The following CIITA variants were observed in gnomAD, a reference collection of about 807,000 sequenced individuals.
CIITA encodes the protein class II major histocompatibility complex transactivator, also known as MHC class II transactivator.
A neutral mutation model predicts 115.1 loss-of-function variants in CIITA; 72 were observed. That is an observed-to-expected ratio of 0.63 (90% CI 0.52 to 0.76). CIITA has a LOEUF of 0.76. Among genes scored for constraint, CIITA ranks in the 30% least tolerant of loss-of-function variants. The probability of loss-of-function intolerance (pLI) is 0.00; values close to 1 mark genes in which losing one functional copy is unlikely to be tolerated. For synonymous variants in CIITA, 763 were observed against 635.6 expected (o/e 1.20, Z -3.02); for missense variants, 1,617 against 1,463.8 (o/e 1.10, Z -1.71).
intron 1 of CIITA, among the ~76,000 whole-genome samples, chr16:10,894,518 A>C (rs949174797): frequency 5.3e-5 from 8 of 152,192 alleles, no homozygotes; most frequent in African/African-American, 1.9e-4. Context: ...GTATATGTGA[A>C]TATTTATTAC....
At chr16:10,905,325 G>C (rs1459304729) in intron 10 of CIITA, among the ~76,000 whole-genome samples, 1 of 152,202 alleles carries the variant, frequency 6.6e-6, no homozygotes, top group African/African-American at 2.4e-5. Flanking sequence ...GCTCAGAATT[G>C]CTCCAGCAAG....
At chr16:10,875,035 C>T (rs747273759), upstream of CIITA, among the ~76,000 whole-genome samples, 35 of 149,858 alleles carry the variant, frequency 2.3e-4, no homozygotes, top group Non-Finnish European at 1.0e-4. Context: ...GTGGCACTAT[C>T]TAAGCTCACT....
At chr16:10,874,783 G>A (rs1204283465), upstream of CIITA, among the ~76,000 whole-genome samples, 1 of 152,060 alleles carries the variant, frequency 6.6e-6, no homozygotes, top group East Asian at 1.9e-4. Flanking sequence ...GTCCTGGCTG[G>A]CCCATTCTAA....
intron 5 of CIITA, among the ~76,000 whole-genome samples, chr16:10,899,654 A>T (rs770942507): frequency 6.6e-6 from 1 of 152,208 alleles, no homozygotes; most frequent in Non-Finnish European, 1.5e-5. Context: ...GAATGAAAAC[A>T]TCTGTAAAAT....
rs934477238 is a variant in CIITA at position 10,935,686 on chromosome 16, T to C, written c.*11831T>C. 1 of 152,222 alleles carries C rather than the reference T, an allele frequency of 6.6e-6. No homozygotes were observed. Among genetic ancestry groups the C allele is most frequent in the Admixed American group, 6.5e-5 (1 of 15,276 alleles). The allele number at this position is 152,222 out of a possible 1,614,324, so 9.4% of individuals were successfully genotyped here. ...TTAACATCGCCAGAAAGGGGACAGATGGCATGTGCCTCTCGATAAGATGCA... is the reference window on the plus strand; with the variant it reads ...TTAACATCGCCAGAAAGGGGACAGACGGCATGTGCCTCTCGATAAGATGCA... On this transcript the variant is annotated 3_prime_UTR_variant, in exon 20 of 20. Transcript: ENST00000324288.
chr16:10,893,362 G>T (rs73499497), intron 1 of CIITA, among the ~76,000 whole-genome samples: 1 of 152,300 alleles, frequency 6.6e-6, no homozygotes, highest in East Asian at 1.9e-4. Flanking sequence ...CCACACAGAT[G>T]AGCCTTCAGC....
Position 10,906,585 on chromosome 16 carries a change from C to G in CIITA, c.1093C>G (p.Leu365Val), listed in dbSNP as rs1390141865. The G allele has an allele frequency of 6.2e-7, 1 of 1,613,532 alleles. No homozygotes were observed. Among genetic ancestry groups the G allele is most frequent in the East Asian group, 2.2e-5 (1 of 44,896 alleles). ...GPDGILVEVDLVQARLERSSS... is the reference protein window; with the variant it reads ...GPDGILVEVDVVQARLERSSS... The stretch of plus-strand genomic sequence containing the variant: ...GGATGGCATCCTAGTGGAGGTGGAT[C>G]TGGTGCAGGCCAGGCTGGAGAGGAG... The change falls in exon 11 of 20, where the codon CTG (leucine) becomes GTG (valine). Residue 365 changes from leucine to valine, a missense_variant. Transcript: ENST00000324288.
rs1480588060 is a variant in CIITA, at chr16:10,902,815, C to G, written c.772+14C>G. 4.3e-6 allele frequency: 7 copies of G among 1,613,894 alleles called. No individual in the cohort carries two copies. The highest frequency in any genetic ancestry group is 5.9e-6 in the Non-Finnish European group (7 of 1,180,006). On this transcript the variant is annotated intron_variant, in intron 8 of 19. Transcript: ENST00000324288. Reference sequence around the variant, plus strand: ...TCATCTACCATGGTGAGTGCGGGGCCTGGCTCCCCGACCACCTCTCCCTCC... The same window carrying G: ...TCATCTACCATGGTGAGTGCGGGGCGTGGCTCCCCGACCACCTCTCCCTCC...
intron 1 of CIITA, among the ~76,000 whole-genome samples, chr16:10,887,657 A>C (rs1200594941): frequency 1.3e-5 from 2 of 152,168 alleles, no homozygotes; most frequent in Admixed American, 1.3e-4. Context: ...CACCACGCCC[A>C]GCTCATTTTT....
At chr16:10,900,642 G>A (rs1408517352) in intron 5 of CIITA, among the ~76,000 whole-genome samples, 1 of 152,062 alleles carries the variant, frequency 6.6e-6, no homozygotes, top group African/African-American at 2.4e-5. Context: ...AGGGAGGCTA[G>A]GGTGGGAGAA....
At chr16:10,896,769 C>T (rs1021814570) in intron 3 of CIITA, among the ~76,000 whole-genome samples, 2 of 152,366 alleles carry the variant, frequency 1.3e-5, no homozygotes, top group East Asian at 3.9e-4. Flanking sequence ...AACCCAGGAA[C>T]AGCAGCATTC....
At position 10,903,903 on chromosome 16, in the gene CIITA, C is replaced by T. The variant is rs766456631; in HGVS notation, c.937+8C>T. On this transcript the variant is annotated splice_region_variant and intron_variant, in intron 9 of 19. Coordinates refer to ENST00000324288, the MANE Select transcript of CIITA (RefSeq NM_000246.4). ...CCCGAGCAAACATGACAGGTAAGGA[C>T]CCTTAGGGCCTGTGAGAGGTACTAG... is the stretch of plus-strand genomic sequence containing the variant. 1 of 1,614,198 alleles carries T rather than the reference C, an allele frequency of 6.2e-7. No individual in the cohort carries two copies. Among genetic ancestry groups the T allele is most frequent in the Non-Finnish European group, 8.5e-7 (1 of 1,180,036 alleles).
rs140683241 is a variant in CIITA, at chr16:10,906,536, G to C, written c.1044G>C (p.Thr348=). Residue 348 remains threonine (T), a synonymous_variant, in exon 11 of 20, where the codon ACG becomes ACC. Transcript: ENST00000324288. ...AGTTCTACCGCTCACTGCAGGACAC[G>C]TATGGTGCCGAGCCCGCAGGCCCGG... ...VEQFYRSLQD[T]YGAEPAGPDG... The C allele has an allele frequency of 1.1e-5, 18 of 1,612,430 alleles. No homozygotes were observed. In the African/African-American group the frequency reaches 1.5e-4, roughly 13 times the overall value.
intron 12 of CIITA, 145 bp downstream of exon 12, chr16:10,909,332 G>T: frequency 2.2e-6 from 2 of 897,712 alleles, no homozygotes. Flanking sequence ...TGGCTAACCA[G>T]AGTCTCTCAC....
In CIITA at chr16:10,895,391, G is replaced by T. The variant is rs1421642810; in HGVS notation, c.162G>T (p.Met54Ile). ...GCCTCTACCACTTCTATGACCAGATGGACCTGGCTGGAGAAGAAGAGATTG... is the reference window on the plus strand; with the variant it reads ...GCCTCTACCACTTCTATGACCAGATTGACCTGGCTGGAGAAGAAGAGATTG... ...PLCLYHFYDQMDLAGEEEIEL... is the reference protein window; with the variant it reads ...PLCLYHFYDQIDLAGEEEIEL... Residue 54 changes from methionine (M) to isoleucine (I), a missense_variant, in exon 2 of 20, where the codon ATG becomes ATT. Met to Ile is a conservative substitution (Grantham distance 10). Transcript: ENST00000324288. 1 of 1,614,040 alleles carries T rather than the reference G, an allele frequency of 6.2e-7. No homozygotes were observed.
intron 13 of CIITA, 119 bp downstream of exon 13, chr16:10,910,378 C>A (rs1440831906): frequency 2.2e-6 from 2 of 897,040 alleles, no homozygotes; most frequent in African/African-American, 3.3e-5. Flanking sequence ...CTCTTGCCCA[C>A]CACTTTGGAA....
At chr16:10,896,533 G>A (rs768528366) in intron 3 of CIITA, among the ~76,000 whole-genome samples, 17 of 152,178 alleles carry the variant, frequency 1.1e-4, no homozygotes, top group Middle Eastern at 3.2e-3. Context: ...GGGGAGAGAC[G>A]TGGGATAGAG....
chr16:10,903,580 C>A, intron 8 of CIITA, 151 bp from the exon 9 acceptor site: 1 of 843,024 alleles, frequency 1.2e-6, no homozygotes, highest in Non-Finnish European at 1.9e-6. Flanking sequence ...CTTTCTTCAG[C>A]TCTGTCCTGA....
chr16:10,877,609 A>G (rs149343598), intron 1 of CIITA, among the ~76,000 whole-genome samples: 19 of 152,348 alleles, frequency 1.2e-4, no homozygotes, highest in African/African-American at 3.6e-4. Flanking sequence ...ACCATGTATC[A>G]GCACCGAAAG....
Sources: allele counts gnomAD v4.1 joint callset (sites outside exome capture counted in the v4.1 genomes callset), GRCh38; gene constraint gnomAD v4.1.1; transcripts MANE v1.5; gene names NCBI Gene and HGNC (gene_info 2026-07-23, HGNC 2026-07-21).